Variants in ARVCF observed in about 807,000 individuals in gnomAD.
ARVCF encodes the protein ARVCF delta catenin family member.
ARVCF carries 66 observed loss-of-function variants against 90.9 expected under a neutral mutation model. The ratio of observed to expected loss-of-function variants is 0.73; its 90% CI spans 0.60 to 0.89. The LOEUF is 0.89. ARVCF is among the 40% of genes least tolerant of loss of function. The pLI, the probability that ARVCF is intolerant of heterozygous loss-of-function variation, is 0.00. For synonymous variants in ARVCF, 653 were observed against 603.4 expected (o/e 1.08, Z -1.21); for missense variants, 1,469 against 1,382.3 (o/e 1.06, Z -1.00).
At chr22:19,967,969 C>G (rs1384849897), downstream of ARVCF, among the ~76,000 whole-genome samples, 1 of 152,248 alleles carries the variant, frequency 6.6e-6, no homozygotes, top group Non-Finnish European at 1.5e-5. Flanking sequence ...CAGAGGAACT[C>G]TGTGTCCTCC....
intron 3 of ARVCF, among the ~76,000 whole-genome samples, chr22:19,989,322 G>A (rs756653): frequency 0.25 from 38,342 of 152,058 alleles, 5,221 homozygotes; most frequent in South Asian, 0.33. Flanking sequence ...ACCATGCACT[G>A]GTGCTGGGCT....
chr22:19,996,481 C>T (rs1944257119), intron 2 of ARVCF, among the ~76,000 whole-genome samples: 1 of 152,226 alleles, frequency 6.6e-6, no homozygotes, highest in African/African-American at 2.4e-5. Flanking sequence ...GGACCCATCA[C>T]ACTAGGCTCT....
At chr22:20,005,398 A>C (rs1460192049) in intron 2 of ARVCF, among the ~76,000 whole-genome samples, 1 of 151,884 alleles carries the variant, frequency 6.6e-6, no homozygotes, top group East Asian at 1.9e-4. Context: ...GTTTTGGCAG[A>C]GATACAGACA....
intron 1 of ARVCF, among the ~76,000 whole-genome samples, chr22:20,011,487 C>A (rs1944829982): frequency 6.6e-6 from 1 of 152,150 alleles, no homozygotes; most frequent in African/African-American, 2.4e-5. Flanking sequence ...CGGTGTGTTT[C>A]CCCGTCTCAC....
rs767213889 is a variant in ARVCF at position 19,977,517 on chromosome 22, C to T, written c.1768G>A (p.Asp590Asn). 7.5e-6 allele frequency: 12 copies of T among 1,597,524 alleles called. No homozygotes were observed. The Admixed American group carries it at 1.2e-4, about 16-fold the overall frequency. The change falls in exon 9 of 20, where the codon GAC (aspartate) becomes AAC (asparagine). Residue 590 changes from aspartate (D) to asparagine (N), a missense_variant. Physicochemically the swap from Asp to Asn is conservative, Grantham distance 23. Transcript: ENST00000263207. ...CCGGGCTCGGCCTCCTGGTACCTGT[C>T]GGCCCCGGGCACCTCCTTGTGCACG... ...YHVHKEVPGA[D>N]RYQEAEPGPL...
At chr22:19,973,076 C>T in intron 14 of ARVCF, 40 bp from the exon 15 acceptor site, 1 of 1,606,854 alleles carries the variant, frequency 6.2e-7, no homozygotes, top group East Asian at 2.2e-5. Context: ...GCCCCTCCCC[C>T]ACCTCCGCGG....
rs148369793 is a variant in ARVCF at position 19,981,292 on chromosome 22, T to C, written c.815A>G (p.Asp272Gly). The C allele has an allele frequency of 2.5e-6, 4 of 1,588,430 alleles. No homozygotes were observed. Among genetic ancestry groups the C allele is most frequent in the African/African-American group, 2.7e-5 (2 of 74,216 alleles). The part of the protein sequence containing the change: ...EDDTRSLAAD[D>G]EGGPELEPDY... ...AGGCTCCAGCTCAGGGCCACCCTCG[T>C]CATCAGCGGCCAGGCTGCGCGTGTC... The change falls in exon 5 of 20, where the codon GAC becomes GGC. Residue 272 changes from aspartate to glycine, a missense_variant. Coordinates refer to ENST00000263207, the MANE Select transcript of ARVCF (RefSeq NM_001670.3).
chr22:19,978,938 G>A lies in ARVCF; in HGVS notation c.1539C>T (p.Ala513=), dbSNP rs778746471. Residue 513 remains alanine (A), a synonymous_variant, in exon 7 of 20, where the codon GCC becomes GCT. Coordinates refer to ENST00000263207, the MANE Select transcript of ARVCF (RefSeq NM_001670.3). ...EPNEDSKPRD[A]EWTTVFKNTS... ...TGTTCTTGAAGACAGTTGTCCACTCGGCGTCCCGTGGCTTGGAGTCCTCGT... is the reference window on the plus strand; with the variant it reads ...TGTTCTTGAAGACAGTTGTCCACTCAGCGTCCCGTGGCTTGGAGTCCTCGT... 36 of 1,612,972 alleles carry A rather than the reference G, an allele frequency of 2.2e-5. No homozygotes were observed. The highest frequency in any genetic ancestry group is 1.7e-4 in the Middle Eastern group (1 of 6,050).
intron 3 of ARVCF, among the ~76,000 whole-genome samples, chr22:19,985,452 A>G (rs975075299): frequency 4.1e-4 from 63 of 152,206 alleles, no homozygotes; most frequent in Non-Finnish European, 6.8e-4. Context: ...GGGTCCCGGG[A>G]ACACAGGGCT....
chr22:19,993,799 G>A (rs1944119489), intron 2 of ARVCF, among the ~76,000 whole-genome samples: 1 of 152,232 alleles, frequency 6.6e-6, no homozygotes, highest in Non-Finnish European at 1.5e-5. Context: ...ATCAGGAACT[G>A]AAGGGGGGCT....
At chr22:19,965,721 G>A (rs1036576239), downstream of ARVCF, 1 of 152,110 alleles carries the variant, frequency 6.6e-6, no homozygotes, top group Non-Finnish European at 1.5e-5. Context: ...TGTGGAGAGG[G>A]CTGTGGGGAG....
chr22:19,983,004 C>T (rs1943585734), intron 3 of ARVCF, among the ~76,000 whole-genome samples: 1 of 152,258 alleles, frequency 6.6e-6, no homozygotes, highest in South Asian at 2.1e-4. Flanking sequence ...AGAGGATAGG[C>T]TGGCCCACAT....
intron 16 of ARVCF, 42 bp downstream of exon 16, chr22:19,972,695 T>TG: frequency 6.4e-7 from 1 of 1,552,002 alleles, no homozygotes; most frequent in Non-Finnish European, 8.7e-7. Context: ...CTGGGGCAGC[T>TG]GGGGTCGCCA....
chr22:20,005,176 C>T (rs780818671), intron 2 of ARVCF, among the ~76,000 whole-genome samples: 5 of 151,778 alleles, frequency 3.3e-5, no homozygotes, highest in African/African-American at 4.8e-5. Flanking sequence ...TAAAGAACTC[C>T]CAAAACTTAA....
intron 3 of ARVCF, among the ~76,000 whole-genome samples, chr22:19,984,054 C>T (rs558234215): frequency 5.9e-5 from 9 of 152,208 alleles, no homozygotes; most frequent in Non-Finnish European, 1.3e-4. Flanking sequence ...TGAGTTCAAG[C>T]AGGGGCCCAG....
chr22:19,985,612 G>A (rs1943725761), intron 3 of ARVCF, among the ~76,000 whole-genome samples: 1 of 152,250 alleles, frequency 6.6e-6, no homozygotes, highest in South Asian at 2.1e-4. Flanking sequence ...AACACAGGGA[G>A]CAGAAAAGCA....
chr22:19,990,049 AC>A (rs1943967976), intron 3 of ARVCF, among the ~76,000 whole-genome samples: 1 of 152,070 alleles, frequency 6.6e-6, no homozygotes, highest in Non-Finnish European at 1.5e-5. Context: ...CTCACTGCAT[AC>A]CCCAACTTTA....
At chr22:20,004,493 A>G (rs1181397766) in intron 2 of ARVCF, among the ~76,000 whole-genome samples, 1 of 152,024 alleles carries the variant, frequency 6.6e-6, no homozygotes, top group African/African-American at 2.4e-5. Flanking sequence ...TCAAAAAAAA[A>G]AAAGAAAAGA....
At chr22:19,968,704 T>TA (rs772665216), downstream of ARVCF, 1 of 1,613,226 alleles carries the variant, frequency 6.2e-7, no homozygotes, top group Non-Finnish European at 8.5e-7. Flanking sequence ...GAAGGCCATC[T>TA]ACAAGGGCCC....
Sources: gnomAD v4.1 joint callset for allele counts (sites outside exome capture counted in the v4.1 genomes callset) on GRCh38, gnomAD v4.1.1 for gene constraint, MANE v1.5 for transcripts, NCBI Gene and HGNC (gene_info 2026-07-23, HGNC 2026-07-21) for gene names.